MBD5: variants seen among roughly 807,000 people sequenced by gnomAD.
MBD5 encodes the protein methyl-CpG-binding domain protein 5.
Under a neutral mutation model 117.3 loss-of-function variants are expected in MBD5, and 13 were observed. The observed-to-expected ratio is 0.11, with a 90% CI of 0.07 to 0.18. The LOEUF is 0.18. Among genes scored for constraint, MBD5 ranks in the 10% least tolerant of loss-of-function variants. MBD5 has a pLI of 1.00. For missense variants in MBD5, 1,879 were observed against 2,093.8 expected (o/e 0.90, Z 2.00); for synonymous variants, 727 against 766.4 (o/e 0.95, Z 0.85).
intron 7 of MBD5, among the ~76,000 whole-genome samples, 184 bp from the exon 8 acceptor site, chr2:148,468,157 T>G (rs1680625906): frequency 6.6e-6 from 1 of 152,194 alleles, no homozygotes; most frequent in Non-Finnish European, 1.5e-5. Context: ...TAAATCAAAT[T>G]TAAAATAGTA....
chr2:148,325,455 C>T lies in MBD5; in HGVS notation c.-679-16759C>T, dbSNP rs186576902. 3.9e-3 allele frequency among the ~76,000 whole-genome samples: 601 copies of T among 152,258 alleles called. 3 individuals are homozygous for T. Among genetic ancestry groups the T allele is most frequent in the African/African-American group, 0.014 (563 of 41,544 alleles). ...CTCTGGTAGAATTCGGCTGTGAATC[C>T]GTCTGGTCCTGGACTCTTTTTCGTT... On this transcript the variant is annotated intron_variant, in intron 3 of 13. Transcript: ENST00000642680.
chr2:148,037,337 T>G (rs1408361128), intron 1 of MBD5, among the ~76,000 whole-genome samples: 1 of 151,966 alleles, frequency 6.6e-6, no homozygotes, highest in African/African-American at 2.4e-5. Context: ...TTTTTTGGTA[T>G]TTTCATATAT....
At chr2:148,132,575 A>G (rs1004305569) in intron 1 of MBD5, among the ~76,000 whole-genome samples, 1 of 152,104 alleles carries the variant, frequency 6.6e-6, no homozygotes, top group Non-Finnish European at 1.5e-5. Flanking sequence ...CCCATCTTGC[A>G]TAACACAAAA....
chr2:148,157,143 T>G lies in MBD5; in HGVS notation c.-924-21557T>G, dbSNP rs75243657. 5.6e-4 allele frequency among the ~76,000 whole-genome samples: 85 copies of G among 152,258 alleles called. 1 individual carries two copies. The East Asian group carries it at 0.014, about 26-fold the overall frequency. ...TTGTTTTACTTTTTTATTTCTTTTT[T>G]TATTATTATTATACTTTAAGTTCTG... is the stretch of plus-strand genomic sequence containing the variant. On this transcript the variant is annotated intron_variant, in intron 1 of 13. Transcript: ENST00000642680.
chr2:148,474,455 A>G (rs1680895373), intron 8 of MBD5, among the ~76,000 whole-genome samples: 1 of 152,134 alleles, frequency 6.6e-6, no homozygotes. Flanking sequence ...TTCCAATATG[A>G]TAAAGTCACT....
At chr2:148,288,314 G>T (rs1701413158) in intron 3 of MBD5, among the ~76,000 whole-genome samples, 1 of 111,938 alleles carries the variant, frequency 8.9e-6, no homozygotes, top group Non-Finnish European at 1.9e-5. Flanking sequence ...GCAGGAGAAT[G>T]GCGTGAACCC....
intron 3 of MBD5, among the ~76,000 whole-genome samples, chr2:148,299,992 A>G (rs1701743786): frequency 6.6e-6 from 1 of 152,172 alleles, no homozygotes; most frequent in Admixed American, 6.5e-5. Context: ...GTCACAGAAT[A>G]TCCTAATAGT....
intron 1 of MBD5, among the ~76,000 whole-genome samples, chr2:148,057,470 C>T (rs1694900008): frequency 6.6e-6 from 1 of 150,940 alleles, no homozygotes; most frequent in Non-Finnish European, 1.5e-5. Flanking sequence ...TCAGTGACTC[C>T]TGAGTTTTTT....
At chr2:148,112,853 A>G (rs544727982) in intron 1 of MBD5, among the ~76,000 whole-genome samples, 2 of 152,176 alleles carry the variant, frequency 1.3e-5, no homozygotes, top group East Asian at 3.9e-4. Flanking sequence ...TTGATCATCT[A>G]AAAATCTCAT....
intron 4 of MBD5, among the ~76,000 whole-genome samples, chr2:148,412,281 T>C (rs1371062224): frequency 6.6e-6 from 1 of 151,048 alleles, no homozygotes; most frequent in Non-Finnish European, 1.5e-5. Flanking sequence ...TTTGTGTGTG[T>C]GTGTGTGTGT....
intron 1 of MBD5, among the ~76,000 whole-genome samples, chr2:148,084,506 C>T (rs1250593406): frequency 6.6e-6 from 1 of 152,126 alleles, no homozygotes; most frequent in Non-Finnish European, 1.5e-5. Flanking sequence ...GATTTTTCAG[C>T]ATTGTTACAT....
intron 11 of MBD5, among the ~76,000 whole-genome samples, chr2:148,493,027 A>G (rs889584416): frequency 2.0e-5 from 3 of 151,124 alleles, no homozygotes; most frequent in Non-Finnish European, 4.4e-5. Context: ...GCTTCTAGAA[A>G]GGTAAGCATT....
chr2:148,465,485 A>C (rs1323113250), intron 7 of MBD5, among the ~76,000 whole-genome samples: 1 of 152,180 alleles, frequency 6.6e-6, no homozygotes, highest in Non-Finnish European at 1.5e-5. Context: ...ATGAGGGATT[A>C]TTGATACTTT....
chr2:148,205,741 A>T lies in MBD5; in HGVS notation c.-831+26948A>T, dbSNP rs527606564. On this transcript the variant is annotated intron_variant, in intron 2 of 13. Coordinates refer to ENST00000642680, the MANE Select transcript of MBD5 (RefSeq NM_001378120.1). ...ATTTTTGTTTAAAAATATGTAGAAA[A>T]TAGGCAGGCTGCAATGGCTCATGCC... 4.6e-5 allele frequency among the ~76,000 whole-genome samples: 7 copies of T among 152,308 alleles called. No individual in the cohort carries two copies. The East Asian group carries it at 1.3e-3, about 29-fold the overall frequency.
At chr2:148,102,721 CACACACACAGAGAGAG>C (rs1473325788) in intron 1 of MBD5, among the ~76,000 whole-genome samples, 30 of 90,876 alleles carry the variant, frequency 3.3e-4, no homozygotes, top group Admixed American at 1.1e-3. Context: ...CACACACACA[CACACACACAGAGAGAG>C]AGAGAGAGAG....
At chr2:148,027,306 A>G (rs1224549902) in intron 1 of MBD5, 1 of 152,144 alleles carries the variant, frequency 6.6e-6, no homozygotes, top group African/African-American at 2.4e-5. Context: ...AGGTGCCTAA[A>G]TTATTTCATA....
At chr2:148,430,271 T>A (rs1214584294) in intron 4 of MBD5, among the ~76,000 whole-genome samples, 1 of 152,184 alleles carries the variant, frequency 6.6e-6, no homozygotes, top group African/African-American at 2.4e-5. Context: ...TATCTTCATT[T>A]GGCAGATAAG....
At chr2:148,249,762 CTTCTA>C (rs1700421839) in intron 3 of MBD5, among the ~76,000 whole-genome samples, 1 of 151,990 alleles carries the variant, frequency 6.6e-6, no homozygotes, top group African/African-American at 2.4e-5. Flanking sequence ...TTCCTCCTGC[CTTCTA>C]TTACTATCTA....
intron 1 of MBD5, chr2:148,025,718 A>G (rs1207520721): frequency 6.6e-6 from 1 of 152,164 alleles, no homozygotes; most frequent in Admixed American, 6.5e-5. Flanking sequence ...CAAATCTAAC[A>G]GCATGATTTA....
Sources: gnomAD v4.1 joint callset for allele counts (sites outside exome capture counted in the v4.1 genomes callset) on GRCh38, gnomAD v4.1.1 for gene constraint, MANE v1.5 for transcripts, NCBI Gene and HGNC (gene_info 2026-07-23, HGNC 2026-07-21) for gene names.